Variants in CDH4 observed in about 807,000 individuals in gnomAD.
CDH4 encodes the protein cadherin 4, also known as cadherin-4.
Under a neutral mutation model 86.0 loss-of-function variants are expected in CDH4, and 33 were observed. The ratio of observed to expected loss-of-function variants is 0.38; its 90% CI spans 0.29 to 0.51. CDH4 has a LOEUF of 0.51. Ranked by LOEUF, CDH4 falls within the 20% of genes least tolerant of loss-of-function variation. CDH4 has a pLI of 0.86. For missense variants in CDH4, 1,114 were observed against 1,307.4 expected (o/e 0.85, Z 2.28); for synonymous variants, 555 against 549.4 (o/e 1.01, Z -0.14).
At chr20:61,595,730 C>T (rs1021762641) in intron 2 of CDH4, among the ~76,000 whole-genome samples, 4 of 152,156 alleles carry the variant, frequency 2.6e-5, no homozygotes, top group African/African-American at 4.8e-5. Context: ...GTCTAAGCAG[C>T]GTGGTGTGTT....
intron 2 of CDH4, among the ~76,000 whole-genome samples, chr20:61,383,296 ATG>A (rs1263373478): frequency 2.7e-5 from 1 of 36,438 alleles, no homozygotes; most frequent in Admixed American, 3.1e-4. Flanking sequence ...ATATGAATAT[ATG>A]TGATATATAT....
intron 2 of CDH4, among the ~76,000 whole-genome samples, chr20:61,351,184 C>G (rs2123300053): frequency 6.6e-6 from 1 of 152,302 alleles, no homozygotes; most frequent in Non-Finnish European, 1.5e-5. Context: ...CTGGATCAAC[C>G]AACCACAGAT....
At chr20:61,838,112 G>A (rs1182243058) in intron 4 of CDH4, among the ~76,000 whole-genome samples, 3 of 150,682 alleles carry the variant, frequency 2.0e-5, no homozygotes, top group African/African-American at 4.9e-5. Context: ...GTTTCCCTAC[G>A]CAGCTGGGTG....
At chr20:61,679,086 G>T (rs544248328) in intron 2 of CDH4, among the ~76,000 whole-genome samples, 1 of 152,210 alleles carries the variant, frequency 6.6e-6, no homozygotes, top group Non-Finnish European at 1.5e-5. Flanking sequence ...CCAGAGCCCG[G>T]AAGAGCGAAC....
intron 10 of CDH4, 117 bp from the exon 11 acceptor site, chr20:61,924,217 G>A (rs1007819905): frequency 2.9e-6 from 3 of 1,040,466 alleles, no homozygotes; most frequent in Non-Finnish European, 2.8e-6. Flanking sequence ...GGGCTCCAAG[G>A]AGACAGAGAC....
chr20:61,833,100 C>T (rs1486613583), intron 4 of CDH4, among the ~76,000 whole-genome samples: 1 of 152,000 alleles, frequency 6.6e-6, no homozygotes, highest in Non-Finnish European at 1.5e-5. Flanking sequence ...TACTCAGCCC[C>T]CATGAGTGAG....
At chr20:61,284,443 T>G (rs966438880) in intron 2 of CDH4, among the ~76,000 whole-genome samples, 4 of 152,208 alleles carry the variant, frequency 2.6e-5, no homozygotes, top group African/African-American at 9.7e-5. Context: ...CGGACATCTC[T>G]CTTCCACCTA....
In CDH4 at chr20:61,937,069, C is replaced by A; in HGVS notation, c.*126C>A. 5 of 735,818 alleles carry A rather than the reference C, an allele frequency of 6.8e-6. No homozygotes were observed. The highest frequency in any genetic ancestry group is 1.0e-5 in the Non-Finnish European group (5 of 487,230). The allele number at this position is 735,818 out of a possible 1,614,324, so 45.6% of individuals were successfully genotyped here. A position where few individuals can be genotyped will look rare whatever the true frequency, so the allele number is the denominator to read the frequency against. On this transcript the variant is annotated 3_prime_UTR_variant, in exon 16 of 16. Coordinates refer to ENST00000614565, the MANE Select transcript of CDH4 (RefSeq NM_001794.5). The stretch of plus-strand genomic sequence containing the variant: ...TCCTTAGTGCTGTTAGGAGGCCCCC[C>A]AATCCCCACGTTGAGCTGTCTAGCA...
Position 61,252,589 on chromosome 20 carries a change from C to A in CDH4, c.57+19C>A. ...GCTCCGGGTAAGTTGCCGCCTCCCG[C>A]CCCCGCCGTTCGGAAGCCCCGGGCA... On this transcript the variant is annotated intron_variant, in intron 1 of 15. Transcript: ENST00000614565. This position sits in a 1 kb window ranked among gnomAD's most constrained non-coding sequence, Gnocchi z 4.4. 1.7e-6 allele frequency: 2 copies of A among 1,200,506 alleles called. No individual in the cohort carries two copies. Among genetic ancestry groups the A allele is most frequent in the Non-Finnish European group, 2.1e-6 (2 of 966,704 alleles). The allele number at this position is 1,200,506 out of a possible 1,614,324, so 74.4% of individuals were successfully genotyped here.
chr20:61,512,759 G>T (rs544875144), intron 2 of CDH4, among the ~76,000 whole-genome samples: 1 of 152,324 alleles, frequency 6.6e-6, no homozygotes, highest in African/African-American at 2.4e-5. Flanking sequence ...TGACAAGCAC[G>T]CACATCCCAG....
chr20:61,881,157 A>G (rs529642179), intron 7 of CDH4, among the ~76,000 whole-genome samples: 82 of 152,328 alleles, frequency 5.4e-4, no homozygotes, highest in African/African-American at 1.9e-3. Flanking sequence ...ACAGCAGAGC[A>G]GGGTCAGGAC....
chr20:61,346,743 A>C (rs78298916), intron 2 of CDH4, among the ~76,000 whole-genome samples: 1 of 29,632 alleles, frequency 3.4e-5, no homozygotes, highest in Non-Finnish European at 6.8e-5. Context: ...GACTCTGTCA[A>C]AAAAAAAAAA....
chr20:61,508,076 G>A (rs902110800), intron 2 of CDH4, among the ~76,000 whole-genome samples: 1 of 152,200 alleles, frequency 6.6e-6, no homozygotes, highest in Non-Finnish European at 1.5e-5. Context: ...AGTTTGCTGC[G>A]TGCATTTTCC....
intron 2 of CDH4, among the ~76,000 whole-genome samples, chr20:61,408,572 C>T (rs1398235490): frequency 6.6e-6 from 1 of 152,100 alleles, no homozygotes; most frequent in Non-Finnish European, 1.5e-5. Context: ...TGTGTAGTGC[C>T]CCTGTGCTCA....
At chr20:61,878,788 C>T (rs1005290134) in intron 7 of CDH4, among the ~76,000 whole-genome samples, 5 of 152,256 alleles carry the variant, frequency 3.3e-5, no homozygotes, top group Non-Finnish European at 5.9e-5. Context: ...TCCTGTCTCC[C>T]GCCTTGCACA....
intron 3 of CDH4, among the ~76,000 whole-genome samples, chr20:61,744,629 AC>A (rs2088391667): frequency 6.6e-6 from 1 of 151,938 alleles, no homozygotes; most frequent in Admixed American, 6.6e-5. Context: ...CAGACATAAA[AC>A]ATCTGCTGTT....
chr20:61,661,823 G>A (rs2145833123), intron 2 of CDH4, among the ~76,000 whole-genome samples: 1 of 152,184 alleles, frequency 6.6e-6, no homozygotes, highest in East Asian at 1.9e-4. Context: ...CCAGGTCTCT[G>A]GCAGGTGCGG....
At chr20:61,767,519 G>C (rs776549245) in intron 3 of CDH4, among the ~76,000 whole-genome samples, 1 of 152,224 alleles carries the variant, frequency 6.6e-6, no homozygotes. Context: ...GGCAGAGAGA[G>C]GGGCAGGAGC....
intron 2 of CDH4, among the ~76,000 whole-genome samples, chr20:61,555,129 A>G (rs1266274541): frequency 6.6e-6 from 1 of 152,146 alleles, no homozygotes; most frequent in Non-Finnish European, 1.5e-5. Context: ...GTGTATGTGA[A>G]CATAGGCGTG....
Sources: allele counts gnomAD v4.1 joint callset (sites outside exome capture counted in the v4.1 genomes callset), GRCh38; gene constraint gnomAD v4.1.1; non-coding constraint Gnocchi (gnomAD v3.1); transcripts MANE v1.5; gene names NCBI Gene and HGNC (gene_info 2026-07-23, HGNC 2026-07-21).